Variants in SNX30 observed in about 807,000 individuals in gnomAD.
The protein encoded by SNX30 is sorting nexin family member 30, also known as sorting nexin-30.
Under a neutral mutation model 46.4 loss-of-function variants are expected in SNX30, and 24 were observed. The observed-to-expected ratio is 0.52, with a 90% CI of 0.37 to 0.73. The LOEUF is 0.73. Ranked by LOEUF, SNX30 falls within the 30% of genes least tolerant of loss-of-function variation. The pLI is 0.00. For missense variants in SNX30, 533 were observed against 555.7 expected (o/e 0.96, Z 0.41); for synonymous variants, 189 against 211.5 (o/e 0.89, Z 0.92).
intron 7 of SNX30, among the ~76,000 whole-genome samples, chr9:112,852,600 T>C (rs1394982878): frequency 1.3e-5 from 2 of 152,148 alleles, no homozygotes; most frequent in African/African-American, 4.8e-5. Context: ...GTACCATTAT[T>C]ATCCCCATTT....
downstream of SNX30, chr9:112,878,071 T>C (rs1312789396): frequency 6.6e-6 from 1 of 152,210 alleles, no homozygotes; most frequent in African/African-American, 2.4e-5. Context: ...TCACAGCTCA[T>C]CTCCTTTCTT....
intron 7 of SNX30, 106 bp from the exon 8 acceptor site, chr9:112,864,141 T>C: frequency 8.0e-7 from 1 of 1,248,854 alleles, no homozygotes; most frequent in Non-Finnish European, 1.1e-6. Flanking sequence ...GTTGATAGCA[T>C]TTTAATGTAG....
chr9:112,870,945 A>T lies in SNX30; in HGVS notation c.*2102A>T, dbSNP rs1161133223. 6.6e-6 allele frequency: 1 copy of T among 152,248 alleles called. No individual in the cohort carries two copies. The highest frequency in any genetic ancestry group is 1.5e-5 in the Non-Finnish European group (1 of 68,050). The allele number at this position is 152,248 out of a possible 1,614,324, so 9.4% of individuals were successfully genotyped here. A position where few individuals can be genotyped will look rare whatever the true frequency, so the allele number is the denominator to read the frequency against. On this transcript the variant is annotated 3_prime_UTR_variant, in exon 9 of 9. Transcript: ENST00000374232. ...ATCTGACTATCTGCTAGTTGCCAAA[A>T]CCCAGAAACATTCCTGTGTAATGGT...
intron 7 of SNX30, 21 bp downstream of exon 7, chr9:112,850,966 A>G: frequency 1.9e-6 from 3 of 1,593,122 alleles, no homozygotes; most frequent in Non-Finnish European, 2.6e-6. Flanking sequence ...CCACCTGGGA[A>G]GGGCTGCAAA....
rs144720201 is a variant in SNX30 at position 112,809,917 on chromosome 9, A to C, written c.348+4950A>C. On this transcript the variant is annotated intron_variant, in intron 2 of 8. Transcript: ENST00000374232. ...TTTTAAGGATGAAAGAGACTTGTTT[A>C]ACTGCCAGTTGCGCAGTATTGGTAG... Among the ~76,000 whole-genome samples the C allele has an allele frequency of 7.8e-3, 1,186 of 152,028 alleles. 6 individuals are homozygous for C. Among genetic ancestry groups the C allele is most frequent in the Non-Finnish European group, 0.014 (942 of 67,948 alleles).
At chr9:112,833,055 A>T (rs1216210502) in intron 4 of SNX30, among the ~76,000 whole-genome samples, 1 of 151,936 alleles carries the variant, frequency 6.6e-6, no homozygotes, top group East Asian at 1.9e-4. Context: ...GTGATAAAAT[A>T]CACCTAACAT....
Position 112,874,572 on chromosome 9 carries a change from G to A in SNX30, c.*5729G>A, listed in dbSNP as rs1841494270. On this transcript the variant is annotated 3_prime_UTR_variant, in exon 9 of 9. Coordinates refer to ENST00000374232, the MANE Select transcript of SNX30 (RefSeq NM_001012994.2). The stretch of plus-strand genomic sequence containing the variant: ...TATTGATGTAGTCCACCGTGTAAAT[G>A]TTACCTTCTCTCCATGCTGCCATTA... 1 of 152,154 alleles carries A rather than the reference G, an allele frequency of 6.6e-6. No homozygotes were observed. Among genetic ancestry groups the A allele is most frequent in the Non-Finnish European group, 1.5e-5 (1 of 68,028 alleles). 9.4% of individuals were successfully genotyped at this position (152,154 alleles called of 1,614,324 possible).
At chr9:112,864,112 C>T (rs370630267) in intron 7 of SNX30, 135 bp from the exon 8 acceptor site, 1 of 909,410 alleles carries the variant, frequency 1.1e-6, no homozygotes, top group Non-Finnish European at 1.7e-6. Context: ...CAAATAAATG[C>T]CTCCAGAGGA....
intron 8 of SNX30, among the ~76,000 whole-genome samples, chr9:112,868,463 C>G (rs1047789624): frequency 2.2e-4 from 33 of 152,246 alleles, no homozygotes; most frequent in African/African-American, 7.5e-4. Context: ...CCTGCTTGGG[C>G]TTTTTTCTGC....
chr9:112,840,779 G>A (rs1363269006), intron 6 of SNX30, among the ~76,000 whole-genome samples: 1 of 115,366 alleles, frequency 8.7e-6, no homozygotes, highest in Non-Finnish European at 1.8e-5. Flanking sequence ...GCGCCTGGCT[G>A]ATATTTCTTT....
At chr9:112,784,606 A>C (rs780442977) in intron 1 of SNX30, among the ~76,000 whole-genome samples, 2 of 152,176 alleles carry the variant, frequency 1.3e-5, no homozygotes, top group Non-Finnish European at 2.9e-5. Flanking sequence ...TCCATTGAAC[A>C]GCTCTGCAGA....
At chr9:112,766,265 T>A (rs1263127897) in intron 1 of SNX30, among the ~76,000 whole-genome samples, 1 of 152,222 alleles carries the variant, frequency 6.6e-6, no homozygotes, top group African/African-American at 2.4e-5. Context: ...TTCCTTTTTA[T>A]GGGTGAATAA....
chr9:112,811,534 T>A (rs1046770319), intron 2 of SNX30, among the ~76,000 whole-genome samples: 11 of 152,030 alleles, frequency 7.2e-5, no homozygotes, highest in African/African-American at 2.7e-4. Flanking sequence ...CTGTGCTGGG[T>A]CTTCTAAAAT....
chr9:112,752,122 C>A (rs1188974201), intron 1 of SNX30, among the ~76,000 whole-genome samples: 3 of 152,130 alleles, frequency 2.0e-5, no homozygotes, highest in Non-Finnish European at 4.4e-5. Context: ...AGCAGGGGAC[C>A]TAACTTTCTT....
At chr9:112,798,003 C>T (rs1425444697) in intron 1 of SNX30, among the ~76,000 whole-genome samples, 5 of 150,870 alleles carry the variant, frequency 3.3e-5, no homozygotes, top group East Asian at 1.9e-4. Flanking sequence ...TGAGGCACTG[C>T]GCGCCCAGCC....
At chr9:112,884,322 T>G (rs970250740), downstream of SNX30, among the ~76,000 whole-genome samples, 1 of 152,246 alleles carries the variant, frequency 6.6e-6, no homozygotes, top group Admixed American at 6.5e-5. Context: ...CCTGGGTTTT[T>G]ATGTCATTGG....
At chr9:112,775,872 A>G (rs1199095969) in intron 1 of SNX30, among the ~76,000 whole-genome samples, 5 of 145,974 alleles carry the variant, frequency 3.4e-5, no homozygotes, top group Non-Finnish European at 7.4e-5. Flanking sequence ...CGATTGTTCC[A>G]TATTAGCACA....
rs1243308135 is a variant in SNX30 at position 112,769,614 on chromosome 9, T to C, written c.156+18457T>C. Among the ~76,000 whole-genome samples the C allele has an allele frequency of 2.0e-5, 3 of 152,334 alleles. No homozygotes were observed. In the East Asian group the frequency reaches 5.8e-4, roughly 29 times the overall value. On this transcript the variant is annotated intron_variant, in intron 1 of 8. Transcript: ENST00000374232. The stretch of plus-strand genomic sequence containing the variant: ...TATGTACCTTACTGGCTGTTCCTCC[T>C]CTGTCTCCTTGGCTGGTTCCGTCTC...
intron 1 of SNX30, among the ~76,000 whole-genome samples, chr9:112,804,457 G>A (rs1840192465): frequency 6.6e-6 from 1 of 152,188 alleles, no homozygotes; most frequent in Admixed American, 6.5e-5. Flanking sequence ...GAGCCACTGC[G>A]CCCAGCCCCT....
Sources: allele counts gnomAD v4.1 joint callset (sites outside exome capture counted in the v4.1 genomes callset), GRCh38; gene constraint gnomAD v4.1.1; transcripts MANE v1.5; gene names NCBI Gene and HGNC (gene_info 2026-07-23, HGNC 2026-07-21).